Variants in DNAH17 observed in about 807,000 individuals in gnomAD.
The protein encoded by DNAH17 is axonemal beta dynein heavy chain 17.
A neutral mutation model predicts 485.6 loss-of-function variants in DNAH17; 376 were observed. The observed-to-expected ratio is 0.77, with a 90% CI of 0.71 to 0.84. The LOEUF (loss-of-function observed/expected upper bound fraction) is 0.84. Ranked by LOEUF, DNAH17 falls within the 40% of genes least tolerant of loss-of-function variation. The pLI is 0.00. For synonymous variants in DNAH17, 3,031 were observed against 2,405.9 expected, an observed-to-expected ratio of 1.26 and a Z score of -7.60; for missense variants, 6,370 against 5,839.3, an observed-to-expected ratio of 1.09 and a Z score of -2.96.
In DNAH17 at chr17:78,480,054, A is replaced by G. The variant is rs1235690790; in HGVS notation, c.7753-422T>C. Among the ~76,000 whole-genome samples, 72 of 50,548 alleles carry G rather than the reference A, an allele frequency of 1.4e-3. 11 individuals carry two copies. Among genetic ancestry groups the G allele is most frequent in the Non-Finnish European group, 2.0e-3 (52 of 25,878 alleles). The allele number at this position is 50,548 out of a possible 152,430, so 33.2% of individuals were successfully genotyped here. On this transcript the variant is annotated intron_variant, in intron 49 of 80. Coordinates refer to ENST00000389840, the MANE Select transcript of DNAH17 (RefSeq NM_173628.4). Reference sequence around the variant, plus strand: ...TTTTTTTTTTTTTTTTTTTTTAAAAAAAGTATGTCCCAGGCCGGGCACGGT... The same window carrying G: ...TTTTTTTTTTTTTTTTTTTTTAAAAGAAGTATGTCCCAGGCCGGGCACGGT...
Position 78,454,708 on chromosome 17 carries a change from G to T in DNAH17, c.10171-3C>A. 1.2e-6 allele frequency: 2 copies of T among 1,609,212 alleles called. No homozygotes were observed. ...CCATTCGTGATCGGGATGGGGACCT[G>T]CCCAGGGAGGCACACTTTCTTAGAG... is the stretch of plus-strand genomic sequence containing the variant. On this transcript the variant is annotated splice_polypyrimidine_tract_variant and splice_region_variant and intron_variant, in intron 63 of 80. Transcript: ENST00000389840.
intron 2 of DNAH17, among the ~76,000 whole-genome samples, chr17:78,573,190 T>C (rs1346605939): frequency 6.6e-6 from 1 of 152,154 alleles, no homozygotes; most frequent in Non-Finnish European, 1.5e-5. Context: ...ACACACTCCT[T>C]GCTAAAAGCC....
intron 20 of DNAH17, among the ~76,000 whole-genome samples, chr17:78,531,914 TG>T (rs1165574106): frequency 1.3e-5 from 2 of 152,260 alleles, no homozygotes; most frequent in African/African-American, 2.4e-5. Flanking sequence ...GCCTTGCCCA[TG>T]GACGACCCCT....
chr17:78,453,196 T>C, intron 65 of DNAH17, 147 bp downstream of exon 65: 1 of 1,075,866 alleles, frequency 9.3e-7, no homozygotes, highest in Non-Finnish European at 1.3e-6. Flanking sequence ...TGGGGGTTCC[T>C]TCCCACCAGC....
intron 14 of DNAH17, among the ~76,000 whole-genome samples, chr17:78,554,527 A>G (rs55957737): frequency 0.11 from 16,818 of 148,610 alleles, 1,208 homozygotes; most frequent in Non-Finnish European, 0.16. Context: ...AATTAATTTA[A>G]TGCTTGAAAT....
At chr17:78,491,948 C>T (rs1301745476) in intron 42 of DNAH17, among the ~76,000 whole-genome samples, 6 of 152,176 alleles carry the variant, frequency 3.9e-5, no homozygotes, top group African/African-American at 7.2e-5. Context: ...ACGCTTCATG[C>T]GTCAGGCATG....
chr17:78,426,815 CAG>C, intron 78 of DNAH17, 109 bp downstream of exon 78: 1 of 1,357,090 alleles, frequency 7.4e-7, no homozygotes, highest in Non-Finnish European at 1.0e-6. Context: ...GGAGAGGGAG[CAG>C]TACCATGCTG....
intron 18 of DNAH17, among the ~76,000 whole-genome samples, chr17:78,538,004 G>A (rs192252317): frequency 6.6e-6 from 1 of 152,194 alleles, no homozygotes; most frequent in Admixed American, 6.5e-5. Flanking sequence ...AGCTGGGCCT[G>A]GTGGTGGGTG....
At chr17:78,480,469 A>C (rs946793566) in intron 49 of DNAH17, among the ~76,000 whole-genome samples, 4 of 152,202 alleles carry the variant, frequency 2.6e-5, no homozygotes, top group African/African-American at 4.8e-5. Flanking sequence ...TTATTTGCTA[A>C]CTCTGCCAGT....
At position 78,571,767 on chromosome 17, in the gene DNAH17, C is replaced by T; in HGVS notation, c.555G>A (p.Leu185=). The T allele has an allele frequency of 6.3e-7, 1 of 1,595,286 alleles. No individual in the cohort carries two copies. Among genetic ancestry groups the T allele is most frequent in the South Asian group, 1.1e-5 (1 of 87,166 alleles). ...LESMERIPSS[L]DNLLLHAIET... ...CAATGGCGTGCAGGAGCAAGTTGTC[C>T]AGTGAAGAGGGGATCCTGCCCAGTG... is the stretch of plus-strand genomic sequence containing the variant. The change falls in exon 4 of 81, where the codon CTG becomes CTA. Residue 185 remains leucine (L), a synonymous_variant. Coordinates refer to ENST00000389840, the MANE Select transcript of DNAH17 (RefSeq NM_173628.4).
chr17:78,446,138 C>T (rs2087282835), intron 69 of DNAH17, among the ~76,000 whole-genome samples: 1 of 120,538 alleles, frequency 8.3e-6, no homozygotes, highest in Non-Finnish European at 1.6e-5. Flanking sequence ...TACGCCACTG[C>T]GCTCTAGCCT....
At chr17:78,511,444 C>T (rs2090633544) in intron 26 of DNAH17, among the ~76,000 whole-genome samples, 1 of 151,932 alleles carries the variant, frequency 6.6e-6, no homozygotes, top group Non-Finnish European at 1.5e-5. Flanking sequence ...GTTTGTGGTC[C>T]TTTGTCATGG....
At chr17:78,444,099 T>C (rs887087472) in intron 71 of DNAH17, among the ~76,000 whole-genome samples, 7 of 152,138 alleles carry the variant, frequency 4.6e-5, no homozygotes, top group African/African-American at 1.4e-4. Flanking sequence ...TATACCTCGA[T>C]TGACTTTACG....
chr17:78,532,883 G>A (rs542964975), intron 19 of DNAH17, 147 bp from the exon 20 acceptor site: 2 of 1,005,384 alleles, frequency 2.0e-6, no homozygotes, highest in Admixed American at 2.9e-5. Context: ...TCCAGCCTGG[G>A]CCGATCACCC....
chr17:78,478,088 T>TCACCACCACCACCAC (rs1191521114), intron 51 of DNAH17, among the ~76,000 whole-genome samples: 1 of 52,666 alleles, frequency 1.9e-5, no homozygotes, highest in Admixed American at 2.3e-4. Context: ...ATCATCACCA[T>TCACCACCACCACCAC]CACCACCACC....
At chr17:78,553,029 G>A (rs972465180) in intron 14 of DNAH17, among the ~76,000 whole-genome samples, 3 of 151,918 alleles carry the variant, frequency 2.0e-5, no homozygotes, top group South Asian at 2.1e-4. Context: ...ATCACCCCCC[G>A]ATGCCGTTCT....
At chr17:78,440,326 G>A (rs935261363) in intron 72 of DNAH17, among the ~76,000 whole-genome samples, 6 of 134,470 alleles carry the variant, frequency 4.5e-5, no homozygotes, top group African/African-American at 1.4e-4. Flanking sequence ...GCTTGATCAC[G>A]GCTCACTACA....
chr17:78,511,151 T>C (rs2090626480), intron 26 of DNAH17, among the ~76,000 whole-genome samples: 1 of 152,204 alleles, frequency 6.6e-6, no homozygotes, highest in South Asian at 2.1e-4. Flanking sequence ...GAGTCTCGCT[T>C]TGTCACCTGG....
chr17:78,506,139 A>AT (rs1568171602), intron 30 of DNAH17, among the ~76,000 whole-genome samples: 2 of 46,668 alleles, frequency 4.3e-5, no homozygotes, highest in Non-Finnish European at 7.3e-5. Context: ...TCACCTAGTT[A>AT]ATTTTTTTTT....
Sources: gnomAD v4.1 joint callset for allele counts (sites outside exome capture counted in the v4.1 genomes callset) on GRCh38, gnomAD v4.1.1 for gene constraint, MANE v1.5 for transcripts, NCBI Gene and HGNC (gene_info 2026-07-23, HGNC 2026-07-21) for gene names.